Variants in VPS8 observed in about 807,000 individuals in gnomAD.
VPS8 encodes the protein VPS8 subunit of CORVET complex.
VPS8 carries 129 observed loss-of-function variants against 216.4 expected under a neutral mutation model. The ratio of observed to expected loss-of-function variants is 0.60; its 90% CI spans 0.52 to 0.69. The LOEUF (loss-of-function observed/expected upper bound fraction) is 0.69. Among genes scored for constraint, VPS8 ranks in the 30% least tolerant of loss-of-function variants. VPS8 has a pLI of 0.00. For missense variants in VPS8, 1,531 were observed against 1,683.5 expected (o/e 0.91, Z 1.59); for synonymous variants, 571 against 565.4 (o/e 1.01, Z -0.14).
chr3:184,930,935 T>C (rs1240477510), intron 34 of VPS8, among the ~76,000 whole-genome samples: 1 of 152,232 alleles, frequency 6.6e-6, no homozygotes, highest in Non-Finnish European at 1.5e-5. Flanking sequence ...GCAATGAGTT[T>C]TCTCTCTGAT....
At chr3:184,943,877 G>A (rs922688783) in intron 36 of VPS8, among the ~76,000 whole-genome samples, 5 of 152,204 alleles carry the variant, frequency 3.3e-5, no homozygotes, top group African/African-American at 4.8e-5. Flanking sequence ...CAAGGCGGGC[G>A]GACCACCTGA....
rs776465312 is a variant in VPS8 at position 184,886,118 on chromosome 3, G to C, written c.1743G>C (p.Val581=). Residue 581 remains valine (V), a synonymous_variant, in exon 22 of 48, where the codon GTG becomes GTC. Transcript: ENST00000625842. The part of the protein sequence containing the change: ...QVMEQHFQDM[V]PVIVDYCLLL... The stretch of plus-strand genomic sequence containing the variant: ...TTATGGTTCCTCTACAGGATATGGT[G>C]CCTGTCATAGTTGATTACTGCCTTC... The C allele has an allele frequency of 6.2e-7, 1 of 1,609,370 alleles. No individual in the cohort carries two copies. The highest frequency in any genetic ancestry group is 1.7e-5 in the Admixed American group (1 of 59,474).
intron 45 of VPS8, among the ~76,000 whole-genome samples, chr3:185,016,772 G>A (rs1755860867): frequency 6.6e-6 from 1 of 152,154 alleles, no homozygotes; most frequent in Non-Finnish European, 1.5e-5. Context: ...ATTCCAAGGG[G>A]AAAATGTTGG....
intron 46 of VPS8, among the ~76,000 whole-genome samples, chr3:185,045,040 CAA>C (rs1161081543): frequency 1.3e-5 from 2 of 151,994 alleles, no homozygotes; most frequent in Non-Finnish European, 2.9e-5. Flanking sequence ...TAGGTGGTGG[CAA>C]AAGACTGGCT....
chr3:184,908,151 C>T (rs896414876), intron 25 of VPS8, among the ~76,000 whole-genome samples: 3 of 152,128 alleles, frequency 2.0e-5, no homozygotes, highest in Non-Finnish European at 4.4e-5. Flanking sequence ...TAGTGCTGTT[C>T]CCACAGAGTG....
intron 45 of VPS8, among the ~76,000 whole-genome samples, chr3:185,005,988 A>T (rs1754195544): frequency 7.2e-6 from 1 of 138,856 alleles, no homozygotes; most frequent in South Asian, 2.3e-4. Context: ...AGGGGAAACC[A>T]TTTTAAAATG....
chr3:185,013,403 T>TA (rs1755326957), intron 45 of VPS8, among the ~76,000 whole-genome samples: 1 of 152,226 alleles, frequency 6.6e-6, no homozygotes, highest in African/African-American at 2.4e-5. Context: ...CAACACAGAT[T>TA]AAAAGCACAA....
chr3:184,818,566 A>G (rs554695220), intron 1 of VPS8, among the ~76,000 whole-genome samples: 2 of 151,880 alleles, frequency 1.3e-5, no homozygotes, highest in East Asian at 3.9e-4. Flanking sequence ...GTAATAGAAA[A>G]CTAATAGAAG....
intron 21 of VPS8, among the ~76,000 whole-genome samples, chr3:184,881,383 T>C (rs1730240201): frequency 6.6e-6 from 1 of 152,146 alleles, no homozygotes. Flanking sequence ...AATTGCAGCA[T>C]TATTTGTTGA....
chr3:184,889,727 CT>C (rs1305686018), intron 22 of VPS8, among the ~76,000 whole-genome samples: 1 of 152,130 alleles, frequency 6.6e-6, no homozygotes, highest in Non-Finnish European at 1.5e-5. Flanking sequence ...GGCTGTGAAA[CT>C]AGGCATTGGG....
chr3:184,833,180 T>A (rs1266870071), intron 4 of VPS8, among the ~76,000 whole-genome samples: 1 of 152,094 alleles, frequency 6.6e-6, no homozygotes, highest in East Asian at 1.9e-4. Context: ...ATCCGCATTC[T>A]CTAAGATCAG....
chr3:184,940,328 G>T (rs1390052050), intron 36 of VPS8, 85 bp downstream of exon 36: 1 of 491,264 alleles, frequency 2.0e-6, no homozygotes, highest in East Asian at 6.2e-5. Flanking sequence ...CCAGCCCATG[G>T]TATCTAAATA....
At chr3:184,996,259 C>G in intron 43 of VPS8, 73 bp from the exon 44 acceptor site, 1 of 1,454,878 alleles carries the variant, frequency 6.9e-7, no homozygotes, top group Non-Finnish European at 9.1e-7. Flanking sequence ...AAGTGCTATT[C>G]ACCATTCATC....
rs187007181 is a variant in VPS8, at chr3:184,852,092, A to G, written c.754-408A>G. Among the ~76,000 whole-genome samples the G allele has an allele frequency of 2.4e-4, 37 of 152,338 alleles. 1 individual carries two copies. The highest frequency in any genetic ancestry group is 7.7e-4 in the African/African-American group (32 of 41,586). The stretch of plus-strand genomic sequence containing the variant: ...CATATTCAGATAAGTTTATTTCTCA[A>G]AGATACCAAGTATTTTTTAGAGTCT... On this transcript the variant is annotated intron_variant, in intron 10 of 47. Transcript: ENST00000625842.
intron 1 of VPS8, 22 bp from the exon 2 acceptor site, chr3:184,824,523 G>A (rs1036068892): frequency 1.6e-6 from 2 of 1,213,306 alleles, no homozygotes; most frequent in Non-Finnish European, 2.3e-6. Context: ...TTTTGTTTTT[G>A]TTTTTTTCTT....
intron 45 of VPS8, among the ~76,000 whole-genome samples, chr3:185,021,667 A>G (rs1047922822): frequency 3.9e-5 from 6 of 152,240 alleles, no homozygotes; most frequent in Non-Finnish European, 7.3e-5. Context: ...AGATCTGCTC[A>G]ATCTGAAAGG....
chr3:184,867,617 G>A (rs570462194), intron 17 of VPS8, among the ~76,000 whole-genome samples: 2 of 152,086 alleles, frequency 1.3e-5, no homozygotes, highest in Admixed American at 6.6e-5. Context: ...AGGTCTTGGC[G>A]GGCAGATCAC....
intron 1 of VPS8, among the ~76,000 whole-genome samples, chr3:184,819,066 T>C (rs1028674386): frequency 5.3e-5 from 8 of 152,222 alleles, no homozygotes; most frequent in African/African-American, 1.9e-4. Flanking sequence ...GAGTTCTTAT[T>C]CAGTTAGCCA....
At chr3:184,843,342 A>T in intron 8 of VPS8, 97 bp downstream of exon 8, 1 of 935,676 alleles carries the variant, frequency 1.1e-6, no homozygotes, top group Non-Finnish European at 1.4e-6. Context: ...CCTCTTACGA[A>T]ATGCTTATTG....
Sources: gnomAD v4.1 joint callset for allele counts (sites outside exome capture counted in the v4.1 genomes callset) on GRCh38, gnomAD v4.1.1 for gene constraint, MANE v1.5 for transcripts, NCBI Gene and HGNC (gene_info 2026-07-23, HGNC 2026-07-21) for gene names.